CELF2: variants seen among roughly 807,000 people sequenced by gnomAD.
The protein encoded by CELF2 is CUG triplet repeat RNA-binding protein 2.
A neutral mutation model predicts 62.6 loss-of-function variants in CELF2; 8 were observed. The ratio of observed to expected loss-of-function variants is 0.13; its 90% confidence interval spans 0.07 to 0.23. The LOEUF is 0.23. CELF2 is among the 10% of genes least tolerant of loss of function. The probability of loss-of-function intolerance (pLI) is 1.00; values close to 1 mark genes in which losing one functional copy is unlikely to be tolerated. For missense variants in CELF2, 333 were observed against 671.0 expected (o/e 0.50, Z 5.56); for synonymous variants, 258 against 250.0 (o/e 1.03, Z -0.30).
chr10:11,303,716 G>C (rs951552300), intron 9 of CELF2, among the ~76,000 whole-genome samples: 5 of 152,200 alleles, frequency 3.3e-5, no homozygotes, highest in African/African-American at 1.2e-4. Context: ...ATCTGAGTGA[G>C]TGCAAGTTTA....
chr10:10,564,085 C>T, the CELF2 span, among the ~76,000 whole-genome samples: 839 of 152,326 alleles, frequency 5.5e-3, 10 homozygotes, highest in African/African-American at 0.019. Context: ...ATAACTTCCT[C>T]TCTCCCATCC....
chr10:10,825,677 G>A lies in CELF2; in HGVS notation c.53+26860G>A, dbSNP rs548923340. On this transcript the variant is annotated intron_variant, in intron 1 of 13. Transcript: ENST00000636488. Reference sequence around the variant, plus strand: ...TTGGTCAGCAGCCATCTAGGTATCCGGAGTGTTGGTGGACTTCTCTGCAAA... The same window carrying A: ...TTGGTCAGCAGCCATCTAGGTATCCAGAGTGTTGGTGGACTTCTCTGCAAA... Among the ~76,000 whole-genome samples the A allele has an allele frequency of 6.0e-4, 92 of 152,272 alleles. 1 individual carries two copies. In the South Asian group the frequency reaches 0.013, roughly 21 times the overall value.
intron 1 of CELF2, among the ~76,000 whole-genome samples, chr10:10,874,176 A>G (rs1290023987): frequency 6.6e-6 from 1 of 152,088 alleles, no homozygotes; most frequent in African/African-American, 2.4e-5. Flanking sequence ...TAAATTAGCC[A>G]GGCATGGTGG....
At chr10:10,544,006 G>A in the CELF2 span, among the ~76,000 whole-genome samples, 45 of 152,286 alleles carry the variant, frequency 3.0e-4, 1 homozygote, top group East Asian at 7.3e-3. Flanking sequence ...CTTGCTTTGG[G>A]GGACCTGAAT....
rs1419894394 is a variant in CELF2, at chr10:11,329,889, T to TTTATTTGTAAAAAAGCATTTCTA, written c.*839_*861dup. On this transcript the variant is annotated 3_prime_UTR_variant, in exon 13 of 13. Transcript: ENST00000633077. The surrounding 1 kb of genome is among the most constrained non-coding windows in gnomAD (Gnocchi z 5.5). Reference sequence around the variant, plus strand: ...AAAAGAAAGCCACAGGCCTGTAAATTTTATTTGTAAAAAAGCATTTCTATT... The same window carrying TTTATTTGTAAAAAAGCATTTCTA: ...AAAAGAAAGCCACAGGCCTGTAAATTTTATTTGTAAAAAAGCATTTCTATTATTTGTAAAAAAGCATTTCTATT... 6.6e-6 allele frequency: 1 copy of TTTATTTGTAAAAAAGCATTTCTA among 152,524 alleles called. No individual in the cohort carries two copies. Among genetic ancestry groups the TTTATTTGTAAAAAAGCATTTCTA allele is most frequent in the Non-Finnish European group, 1.5e-5 (1 of 68,008 alleles). 9.4% of individuals were successfully genotyped at this position (152,524 alleles called of 1,614,324 possible).
chr10:10,942,228 T>G (rs1361952370), intron 2 of CELF2, among the ~76,000 whole-genome samples: 1 of 152,210 alleles, frequency 6.6e-6, no homozygotes, highest in Non-Finnish European at 1.5e-5. Flanking sequence ...AAAAGTTAGC[T>G]GCTTAAAACA....
chr10:10,775,455 C>T, the CELF2 span, among the ~76,000 whole-genome samples: 2 of 152,018 alleles, frequency 1.3e-5, no homozygotes, highest in Non-Finnish European at 2.9e-5. Context: ...CATGGTAAAA[C>T]CCAGTCTCTA....
rs2065757403 is a variant in CELF2, at chr10:11,224,159, C to G, written c.354+6652C>G. 6.6e-6 allele frequency among the ~76,000 whole-genome samples: 1 copy of G among 152,172 alleles called. No individual in the cohort carries two copies. Among genetic ancestry groups the G allele is most frequent in the Non-Finnish European group, 1.5e-5 (1 of 68,016 alleles). On this transcript the variant is annotated intron_variant, in intron 3 of 12. Transcript: ENST00000633077. This position sits in a 1 kb window ranked among gnomAD's most constrained non-coding sequence, Gnocchi z 4.5. Reference sequence around the variant, plus strand: ...GGATTACAGTAGGGAATAGCCACACCACTTTTGGCCTCAGAACCCAGTGGA... The same window carrying G: ...GGATTACAGTAGGGAATAGCCACACGACTTTTGGCCTCAGAACCCAGTGGA...
chr10:11,257,658 GT>G, intron 4 of CELF2, 79 bp from the exon 5 acceptor site: 1 of 1,530,570 alleles, frequency 6.5e-7, no homozygotes, highest in Non-Finnish European at 8.9e-7. Flanking sequence ...CTGGGGCCTG[GT>G]TTGATGGGGT....
At chr10:10,584,301 G>A in the CELF2 span, among the ~76,000 whole-genome samples, 1 of 152,162 alleles carries the variant, frequency 6.6e-6, no homozygotes, top group Non-Finnish European at 1.5e-5. Context: ...CTACATAGTG[G>A]AAGAAGATTT....
chr10:11,266,163 A>T (rs1184061117), intron 5 of CELF2, among the ~76,000 whole-genome samples: 1 of 152,090 alleles, frequency 6.6e-6, no homozygotes, highest in African/African-American at 2.4e-5. Context: ...GGATTTTCTT[A>T]TTTGCCCCTT....
chr10:10,578,306 T>C, the CELF2 span, among the ~76,000 whole-genome samples: 1 of 152,358 alleles, frequency 6.6e-6, no homozygotes, highest in South Asian at 2.1e-4. Context: ...TCCCATTCTA[T>C]AGGTTGCCTG....
chr10:11,259,652 G>A (rs547528383), intron 5 of CELF2, among the ~76,000 whole-genome samples: 1 of 152,226 alleles, frequency 6.6e-6, no homozygotes, highest in Admixed American at 6.5e-5. Flanking sequence ...CATCGCTGTG[G>A]CAGACTGCAC....
intron 2 of CELF2, chr10:10,929,531 A>G (rs1201764136): frequency 1.3e-5 from 2 of 152,210 alleles, no homozygotes; most frequent in East Asian, 3.9e-4. Flanking sequence ...CAGCCCAGCG[A>G]AGTGATTCAG....
intron 1 of CELF2, among the ~76,000 whole-genome samples, chr10:11,058,467 T>G (rs2065882786): frequency 8.3e-5 from 12 of 145,044 alleles, no homozygotes; most frequent in Admixed American, 4.1e-4. Flanking sequence ...GTTGGTTTTT[T>G]TTTTTTTTTT....
chr10:10,859,524 T>C (rs1326178391), intron 1 of CELF2, among the ~76,000 whole-genome samples: 1 of 152,154 alleles, frequency 6.6e-6, no homozygotes, highest in Admixed American at 6.6e-5. Context: ...GAGATTTAGA[T>C]AGAACATAAC....
the CELF2 span, among the ~76,000 whole-genome samples, chr10:10,636,721 C>T: frequency 6.6e-6 from 1 of 152,010 alleles, no homozygotes; most frequent in South Asian, 2.1e-4. Context: ...CGAATTTTAC[C>T]CTAACATCAC....
At chr10:10,791,048 G>A in the CELF2 span, among the ~76,000 whole-genome samples, 3 of 152,088 alleles carry the variant, frequency 2.0e-5, no homozygotes, top group Non-Finnish European at 4.4e-5. Flanking sequence ...GCTAGTTTTT[G>A]TAAGTCTTTA....
the CELF2 span, among the ~76,000 whole-genome samples, chr10:10,651,105 G>A: frequency 2.7e-5 from 4 of 148,234 alleles, 1 homozygote; most frequent in African/African-American, 9.9e-5. Context: ...AAAGAAAGGG[G>A]TGACGGATGC....
Sources: gnomAD v4.1 joint callset for allele counts (sites outside exome capture counted in the v4.1 genomes callset) on GRCh38, gnomAD v4.1.1 for gene constraint, Gnocchi (gnomAD v3.1) non-coding constraint, MANE v1.5 for transcripts, NCBI Gene and HGNC (gene_info 2026-07-23, HGNC 2026-07-21) for gene names.